DGKE: variants seen among roughly 807,000 people sequenced by gnomAD.
DGKE encodes the protein DAG kinase epsilon.
Under a neutral mutation model 70.0 loss-of-function variants are expected in DGKE, and 53 were observed. The ratio of observed to expected loss-of-function variants is 0.76; its 90% confidence interval spans 0.61 to 0.95. DGKE has a LOEUF of 0.95. DGKE is among the 40% of genes least tolerant of loss of function. The pLI, the probability that DGKE is intolerant of heterozygous loss-of-function variation, is 0.00. For missense variants in DGKE, 655 were observed against 706.9 expected (o/e 0.93, Z 0.83); for synonymous variants, 291 against 257.0 (o/e 1.13, Z -1.27).
Position 56,848,855 on chromosome 17 carries a change from T to A in DGKE, c.1046+2T>A. ...AGCAGATGGAATTAAACTAGATCGG[T>A]AAGTTACGTTTCCCCAAAAAGTAGA... On this transcript the variant is annotated splice_donor_variant, in intron 6 of 11. Transcript: ENST00000284061. LOFTEE classifies it high-confidence loss of function. 6.2e-7 allele frequency: 1 copy of A among 1,614,102 alleles called. No individual in the cohort carries two copies. The highest frequency in any genetic ancestry group is 8.5e-7 in the Non-Finnish European group (1 of 1,179,988).
At chr17:56,861,043 G>A (rs1908259350) in intron 9 of DGKE, among the ~76,000 whole-genome samples, 1 of 152,234 alleles carries the variant, frequency 6.6e-6, no homozygotes, top group Admixed American at 6.5e-5. Context: ...AGAAAGTAAA[G>A]CTAGAGGCAG....
Position 56,859,194 on chromosome 17 carries a change from G to T in DGKE, c.1284+529G>T, listed in dbSNP as rs1243704496. Among the ~76,000 whole-genome samples the T allele has an allele frequency of 4.6e-5, 7 of 151,226 alleles. No individual in the cohort carries two copies. In the East Asian group the frequency reaches 1.4e-3, roughly 30 times the overall value. On this transcript the variant is annotated intron_variant, in intron 9 of 11. Coordinates refer to ENST00000284061, the MANE Select transcript of DGKE (RefSeq NM_003647.3). ...AAAAAAATTAGCCAGGCGTGGTGGCGGGCGCCTGTAGTCCCAGCTACTTGG... is the reference window on the plus strand; with the variant it reads ...AAAAAAATTAGCCAGGCGTGGTGGCTGGCGCCTGTAGTCCCAGCTACTTGG...
intron 2 of DGKE, chr17:56,836,154 T>TA (rs1172059672): frequency 6.6e-6 from 1 of 152,204 alleles, no homozygotes; most frequent in Non-Finnish European, 1.5e-5. Flanking sequence ...GAAAGGCGCA[T>TA]AAACATGCTT....
rs147972030 is a variant in DGKE, at chr17:56,844,157, CA to C, written c.610del (p.Thr204GlnfsTer6). On this transcript the variant is annotated frameshift_variant, in exon 3 of 12. Transcript: ENST00000284061. LOFTEE classifies it high-confidence loss of function. ...LTSINQMRKD[K>X]KTDYEVLASK... Reference sequence around the variant, plus strand: ...CATCCATTAATCAGATGCGTAAAGACAAAAAAACAGATTATGAAGTGGTAAT... The same window carrying C: ...CATCCATTAATCAGATGCGTAAAGACAAAAAACAGATTATGAAGTGGTAAT... 8 of 1,528,410 alleles carry C rather than the reference CA, an allele frequency of 5.2e-6. No homozygotes were observed. In the Admixed American group the frequency reaches 7.1e-5, roughly 14 times the overall value. The allele number at this position is 1,528,410 out of a possible 1,614,324, so 94.7% of individuals were successfully genotyped here. A position where few individuals can be genotyped will look rare whatever the true frequency, so the allele number is the denominator to read the frequency against.
intron 2 of DGKE, among the ~76,000 whole-genome samples, chr17:56,840,986 G>A (rs1407572723): frequency 6.6e-6 from 1 of 152,086 alleles, no homozygotes; most frequent in African/African-American, 2.4e-5. Context: ...AGACTCGGTG[G>A]CTCACACCTG....
At position 56,845,679 on chromosome 17, in the gene DGKE, A is replaced by AT. The variant is rs748333284; in HGVS notation, c.625-3dup. 2.6e-5 allele frequency: 42 copies of AT among 1,598,476 alleles called. No homozygotes were observed. The highest frequency in any genetic ancestry group is 1.1e-4 in the African/African-American group (8 of 73,896). The stretch of plus-strand genomic sequence containing the variant: ...ATACTAAACCTTTTCACTCATGGCA[A>AT]TTTTTTTTAGCTAGCCTCTAAGCTT... On this transcript the variant is annotated splice_polypyrimidine_tract_variant and intron_variant, in intron 3 of 11. Transcript: ENST00000284061.
At chr17:56,851,728 A>G (rs902461287) in intron 7 of DGKE, among the ~76,000 whole-genome samples, 1 of 152,366 alleles carries the variant, frequency 6.6e-6, no homozygotes, top group South Asian at 2.1e-4. Flanking sequence ...AACACAGTCC[A>G]GGAAGCTGAA....
chr17:56,838,460 A>G (rs879663485), intron 2 of DGKE: 6 of 152,376 alleles, frequency 3.9e-5, no homozygotes, highest in Middle Eastern at 3.4e-3. Flanking sequence ...AAAACCAGCC[A>G]TGGACAATAC....
At chr17:56,839,359 T>C (rs781271008) in intron 2 of DGKE, among the ~76,000 whole-genome samples, 8 of 152,218 alleles carry the variant, frequency 5.3e-5, no homozygotes, top group Non-Finnish European at 1.0e-4. Context: ...ATGCTAAAGC[T>C]GAAATACCAA....
Position 56,856,577 on chromosome 17 carries a change from T to C in DGKE, c.1164T>C (p.Ala388=), listed in dbSNP as rs1234673157. 2 of 1,613,856 alleles carry C rather than the reference T, an allele frequency of 1.2e-6. No individual in the cohort carries two copies. The highest frequency in any genetic ancestry group is 2.7e-5 in the African/African-American group (2 of 74,926). Residue 388 remains alanine, a synonymous_variant, in exon 8 of 12, where the codon GCT becomes GCC. Transcript: ENST00000284061. The part of the protein sequence containing the change: ...PDALMALNFH[A]HREKAPSLFS... ...CTCTCATGGCTCTCAATTTTCATGCTCATCGTGAGAAGGCACCATCTCTGT... is the reference window on the plus strand; with the variant it reads ...CTCTCATGGCTCTCAATTTTCATGCCCATCGTGAGAAGGCACCATCTCTGT...
At position 56,868,892 on chromosome 17, in the gene DGKE, A is replaced by G. The variant is rs1167271056; in HGVS notation, c.*6101A>G. On this transcript the variant is annotated 3_prime_UTR_variant, in exon 12 of 12. Transcript: ENST00000284061. ...TACACGTGTGTTAGGAGAAACATTCATTCTCACGCATATAAACTGGCTCCT... is the reference window on the plus strand; with the variant it reads ...TACACGTGTGTTAGGAGAAACATTCGTTCTCACGCATATAAACTGGCTCCT... 6.6e-6 allele frequency: 1 copy of G among 152,214 alleles called. No homozygotes were observed. Among genetic ancestry groups the G allele is most frequent in the East Asian group, 1.9e-4 (1 of 5,192 alleles). 9.4% of individuals were successfully genotyped at this position (152,214 alleles called of 1,614,324 possible).
At chr17:56,858,263 T>C (rs1420968128) in intron 8 of DGKE, among the ~76,000 whole-genome samples, 10 of 152,274 alleles carry the variant, frequency 6.6e-5, no homozygotes. Flanking sequence ...GAGAATAAAA[T>C]GTAAAATACA....
In DGKE at chr17:56,863,299, G is replaced by A. The variant is rs1471045130; in HGVS notation, c.*508G>A. The A allele has an allele frequency of 6.6e-6, 1 of 152,196 alleles. No individual in the cohort carries two copies. The highest frequency in any genetic ancestry group is 1.9e-4 in the East Asian group (1 of 5,196). 9.4% of individuals were successfully genotyped at this position (152,196 alleles called of 1,614,324 possible). On this transcript the variant is annotated 3_prime_UTR_variant, in exon 12 of 12. Coordinates refer to ENST00000284061, the MANE Select transcript of DGKE (RefSeq NM_003647.3). ...AGATTTTCTACAACCCAAACCAAGT[G>A]TATGTATTGATTTCTAGGAACCCCC...
intron 9 of DGKE, among the ~76,000 whole-genome samples, chr17:56,861,050 G>A (rs548589774): frequency 1.3e-5 from 2 of 152,338 alleles, no homozygotes; most frequent in East Asian, 1.9e-4. Context: ...AAAGCTAGAG[G>A]CAGATAGGCC....
chr17:56,834,683 C>A, intron 1 of DGKE, 95 bp from the exon 2 acceptor site: 1 of 1,207,782 alleles, frequency 8.3e-7, no homozygotes, highest in Non-Finnish European at 1.2e-6. Context: ...GAGCCACCTT[C>A]ACTGAGGGCG....
At chr17:56,837,883 A>G (rs1302088167) in intron 2 of DGKE, among the ~76,000 whole-genome samples, 1 of 152,188 alleles carries the variant, frequency 6.6e-6, no homozygotes, top group Non-Finnish European at 1.5e-5. Context: ...CGATCATTAT[A>G]CTTATTGAGC....
chr17:56,848,608 C>G, intron 5 of DGKE, 88 bp from the exon 6 acceptor site: 1 of 1,293,050 alleles, frequency 7.7e-7, no homozygotes, highest in Non-Finnish European at 1.1e-6. Context: ...TGTATCCTTA[C>G]TGTTTTGGTC....
rs763046067 is a variant in DGKE, at chr17:56,862,265, A to G, written c.1524+14A>G. 37 of 1,599,412 alleles carry G rather than the reference A, an allele frequency of 2.3e-5. No individual in the cohort carries two copies. Among genetic ancestry groups the G allele is most frequent in the Non-Finnish European group, 3.1e-5 (36 of 1,166,982 alleles). On this transcript the variant is annotated intron_variant, in intron 11 of 11. Transcript: ENST00000284061. ...CATACAGTGAGGGTAGGTGAAATAT[A>G]GCTGTAACAGGCTAATTTGTCCCAA...
At chr17:56,856,294 C>T (rs1907946405) in intron 7 of DGKE, among the ~76,000 whole-genome samples, 2 of 152,082 alleles carry the variant, frequency 1.3e-5, no homozygotes, top group Non-Finnish European at 2.9e-5. Flanking sequence ...GCATATAAAA[C>T]AGAAATGGAA....
Sources: gnomAD v4.1 joint callset for allele counts (sites outside exome capture counted in the v4.1 genomes callset) on GRCh38, gnomAD v4.1.1 for gene constraint, MANE v1.5 for transcripts, NCBI Gene and HGNC (gene_info 2026-07-23, HGNC 2026-07-21) for gene names.